Variants in GABRA6 observed in about 807,000 individuals in gnomAD.
GABRA6 encodes the protein gamma-aminobutyric acid receptor subunit alpha-6.
GABRA6 carries 45 observed loss-of-function variants against 47.3 expected under a neutral mutation model. That is an observed-to-expected ratio of 0.95 (90% CI 0.75 to 1.22). GABRA6 has a LOEUF of 1.22. GABRA6 is among the 50% of genes most tolerant of loss of function. The probability of loss-of-function intolerance (pLI) is 0.00; values close to 1 mark genes in which losing one functional copy is unlikely to be tolerated. For missense variants in GABRA6, 583 were observed against 549.3 expected (o/e 1.06, Z -0.61); for synonymous variants, 219 against 194.7 (o/e 1.12, Z -1.04).
chr5:161,690,421 A>T, intron 7 of GABRA6, 68 bp downstream of exon 7: 1 of 1,463,008 alleles, frequency 6.8e-7, no homozygotes, highest in South Asian at 1.1e-5. Flanking sequence ...TATTTTGAGT[A>T]AATATTTACA....
intron 7 of GABRA6, among the ~76,000 whole-genome samples, chr5:161,691,595 C>T (rs528367553): frequency 4.5e-4 from 68 of 151,852 alleles, no homozygotes; most frequent in African/African-American, 1.5e-3. Context: ...CCACCGCGCC[C>T]GGCCTCAAGT....
intron 8 of GABRA6, among the ~76,000 whole-genome samples, chr5:161,694,335 G>GA (rs539049925): frequency 1.1e-4 from 16 of 149,472 alleles, no homozygotes; most frequent in Admixed American, 3.3e-4. Context: ...GTCAAAAACA[G>GA]AAAAAAAAGG....
intron 3 of GABRA6, chr5:161,687,563 T>G: frequency 2.2e-6 from 1 of 455,082 alleles, no homozygotes; most frequent in Non-Finnish European, 4.4e-6. Flanking sequence ...GTATTTATAG[T>G]AAGTAGCAAT....
intron 5 of GABRA6, 149 bp from the exon 6 acceptor site, chr5:161,689,487 T>A: frequency 9.8e-7 from 1 of 1,023,006 alleles, no homozygotes; most frequent in South Asian, 1.4e-5. Flanking sequence ...GTCAATCTCA[T>A]AAATTGAGGC....
intron 8 of GABRA6, 113 bp from the exon 9 acceptor site, chr5:161,701,385 C>T (rs1754977538): frequency 1.7e-6 from 2 of 1,153,662 alleles, no homozygotes; most frequent in African/African-American, 1.5e-5. Flanking sequence ...TTTGACCTTA[C>T]ATAGAAAGTA....
chr5:161,690,775 T>C (rs1754776044), intron 7 of GABRA6, among the ~76,000 whole-genome samples: 1 of 152,188 alleles, frequency 6.6e-6, no homozygotes, highest in Admixed American at 6.5e-5. Context: ...TTTTTATGAT[T>C]CAACCTACAT....
At chr5:161,687,520 C>T in intron 3 of GABRA6, 1 of 456,102 alleles carries the variant, frequency 2.2e-6, no homozygotes, top group South Asian at 1.5e-5. Context: ...GGACTCTGTT[C>T]CAGGTACAGA....
rs10039400 is a variant in GABRA6, at chr5:161,687,914, A to G, written c.225+911A>G. Among the ~76,000 whole-genome samples the G allele has an allele frequency of 3.9e-3, 584 of 151,604 alleles. 5 individuals carry two copies. Among genetic ancestry groups the G allele is most frequent in the African/African-American group, 0.014 (564 of 41,526 alleles). On this transcript the variant is annotated intron_variant, in intron 3 of 8. Coordinates refer to ENST00000274545, the MANE Select transcript of GABRA6 (RefSeq NM_000811.3). ...AGAGGGAGGAAGGGCTTTATTCAAG[A>G]GATAATTATCTTACTATATAAGGAG...
At chr5:161,699,580 C>A (rs775264878) in intron 8 of GABRA6, among the ~76,000 whole-genome samples, 1 of 128,192 alleles carries the variant, frequency 7.8e-6, no homozygotes, top group Non-Finnish European at 1.6e-5. Flanking sequence ...TTTTTTAATG[C>A]AGTCTTGCTC....
At position 161,701,765 on chromosome 5, in the gene GABRA6, G is replaced by A; in HGVS notation, c.1354G>A (p.Val452Ile). The A allele has an allele frequency of 6.2e-7, 1 of 1,614,118 alleles. No homozygotes were observed. Among genetic ancestry groups the A allele is most frequent in the Non-Finnish European group, 8.5e-7 (1 of 1,179,966 alleles). Residue 452 changes from valine (V) to isoleucine (I), a missense_variant, in exon 9 of 9, where the codon GTT becomes ATT. Physicochemically the swap from Val to Ile is conservative, Grantham distance 29. Transcript: ENST00000274545. ...AGATACAATGGAAGTCAGTAGCAGT[G>A]TTGAATAGCTTGCGGCCAGGACAAC... is the stretch of plus-strand genomic sequence containing the variant. ...SKDTMEVSSS[V>I]E is the part of the protein sequence containing the mutation.
chr5:161,690,237 A>G lies in GABRA6; in HGVS notation c.710A>G (p.Gln237Arg), dbSNP rs76773579. The G allele has an allele frequency of 2.8e-3, 4,591 of 1,613,782 alleles. 15 individuals are homozygous for G. Among genetic ancestry groups the G allele is most frequent in the Middle Eastern group, 3.8e-3 (23 of 6,056 alleles). Residue 237 changes from glutamine (Q) to arginine (R), a missense_variant, in exon 7 of 9, where the codon CAA becomes CGA. Coordinates refer to ENST00000274545, the MANE Select transcript of GABRA6 (RefSeq NM_000811.3). Reference protein sequence around the residue: ...YVIMTVYFHLQRKMGYFMIQI... With the variant: ...YVIMTVYFHLRRKMGYFMIQI... ...ATAATGACAGTTTACTTCCACTTGC[A>G]AAGGAAGATGGGCTACTTCATGATA...
chr5:161,688,903 A>C, intron 3 of GABRA6, 46 bp from the exon 4 acceptor site: 1 of 1,531,034 alleles, frequency 6.5e-7, no homozygotes, highest in Non-Finnish European at 9.0e-7. Context: ...AACTATTCTT[A>C]GCAAACTATC....
At chr5:161,698,052 A>T (rs1754915785) in intron 8 of GABRA6, among the ~76,000 whole-genome samples, 1 of 152,184 alleles carries the variant, frequency 6.6e-6, no homozygotes, top group African/African-American at 2.4e-5. Flanking sequence ...AAAACTTTTC[A>T]TCCCCCTCTT....
chr5:161,697,569 C>T (rs1026318408), intron 8 of GABRA6, among the ~76,000 whole-genome samples: 1 of 152,110 alleles, frequency 6.6e-6, no homozygotes, highest in African/African-American at 2.4e-5. Context: ...GGAGCTATTT[C>T]CCCCAAGAGA....
rs756346598 is a variant in GABRA6 at position 161,689,533 on chromosome 5, A to G, written c.530-103A>G. 2.8e-5 allele frequency: 33 copies of G among 1,168,692 alleles called. 1 individual carries two copies. Among genetic ancestry groups the G allele is most frequent in the East Asian group, 2.5e-4 (10 of 39,448 alleles). 72.4% of individuals were successfully genotyped at this position (1,168,692 alleles called of 1,614,324 possible). A position where few individuals can be genotyped will look rare whatever the true frequency, so the allele number is the denominator to read the frequency against. On this transcript the variant is annotated intron_variant, in intron 5 of 8. Transcript: ENST00000274545. ...AAGATTAAAGAAAACATTAAATACA[A>G]TCTATGTTTGTATTTCCTTTTTTAT...
chr5:161,685,908 T>C lies in GABRA6; in HGVS notation c.-82T>C, dbSNP rs182859893. On this transcript the variant is annotated 5_prime_UTR_variant, in exon 1 of 9. Coordinates refer to ENST00000274545, the MANE Select transcript of GABRA6 (RefSeq NM_000811.3). Reference sequence around the variant, plus strand: ...AGATATGAAGGGTTTGAAAGATTTCTCCAGTTGATTGGCAGAGAAGAGCTG... The same window carrying C: ...AGATATGAAGGGTTTGAAAGATTTCCCCAGTTGATTGGCAGAGAAGAGCTG... 24 of 1,084,112 alleles carry C rather than the reference T, an allele frequency of 2.2e-5. No individual in the cohort carries two copies. In the African/African-American group the frequency reaches 3.2e-4, roughly 15 times the overall value. The allele number at this position is 1,084,112 out of a possible 1,614,324, so 67.2% of individuals were successfully genotyped here. A position where few individuals can be genotyped will look rare whatever the true frequency, so the allele number is the denominator to read the frequency against.
chr5:161,688,948 G>C lies in GABRA6; in HGVS notation c.226-1G>C. The C allele has an allele frequency of 6.2e-7, 1 of 1,610,862 alleles. No homozygotes were observed. Among genetic ancestry groups the C allele is most frequent in the Non-Finnish European group, 8.5e-7 (1 of 1,177,412 alleles). On this transcript the variant is annotated splice_acceptor_variant, in intron 3 of 8. Coordinates refer to ENST00000274545, the MANE Select transcript of GABRA6 (RefSeq NM_000811.3). LOFTEE classifies it high-confidence loss of function. ...CACACAAATATTTTATTTTCTCTTA[G>C]GAGTATACGATGGATGTTTTTTTCC...
Position 161,701,990 on chromosome 5 carries a change from G to C in GABRA6, c.*217G>C. 1 of 566,736 alleles carries C rather than the reference G, an allele frequency of 1.8e-6. No individual in the cohort carries two copies. The highest frequency in any genetic ancestry group is 2.2e-5 in the South Asian group (1 of 45,052). 35.1% of individuals were successfully genotyped at this position (566,736 alleles called of 1,614,324 possible). A position where few individuals can be genotyped will look rare whatever the true frequency, so the allele number is the denominator to read the frequency against. On this transcript the variant is annotated 3_prime_UTR_variant, in exon 9 of 9. Transcript: ENST00000274545. ...GATTGCTGAAAAATATGACTTTTCTGTATGTTAGAGAAAAACTTTATGAGG... is the reference window on the plus strand; with the variant it reads ...GATTGCTGAAAAATATGACTTTTCTCTATGTTAGAGAAAAACTTTATGAGG...
Position 161,702,204 on chromosome 5 carries a change from A to T in GABRA6, c.*431A>T, listed in dbSNP as rs1328802618. On this transcript the variant is annotated 3_prime_UTR_variant, in exon 9 of 9. Transcript: ENST00000274545. Reference sequence around the variant, plus strand: ...GGCAAAATATAAATACAGTCTAAATATTTATCAGTAGGTTAATACCAGCAT... The same window carrying T: ...GGCAAAATATAAATACAGTCTAAATTTTTATCAGTAGGTTAATACCAGCAT... 1 of 192,026 alleles carries T rather than the reference A, an allele frequency of 5.2e-6. No homozygotes were observed. The highest frequency in any genetic ancestry group is 2.4e-5 in the African/African-American group (1 of 42,236). 11.9% of individuals were successfully genotyped at this position (192,026 alleles called of 1,614,324 possible). A position where few individuals can be genotyped will look rare whatever the true frequency, so the allele number is the denominator to read the frequency against.
Sources: gnomAD v4.1 joint callset for allele counts (sites outside exome capture counted in the v4.1 genomes callset) on GRCh38, gnomAD v4.1.1 for gene constraint, MANE v1.5 for transcripts, NCBI Gene and HGNC (gene_info 2026-07-23, HGNC 2026-07-21) for gene names.